NINL: variants seen among roughly 807,000 people sequenced by gnomAD.
NINL encodes ninein like, also known as ninein-like protein.
NINL carries 153 observed loss-of-function variants against 160.3 expected under a neutral mutation model. The ratio of observed to expected loss-of-function variants is 0.95; its 90% CI spans 0.84 to 1.09. The LOEUF (loss-of-function observed/expected upper bound fraction) is 1.09. Ranked by LOEUF, NINL falls within the 50% of genes least tolerant of loss-of-function variation. NINL has a pLI of 0.00. For missense variants in NINL, 1,829 were observed against 1,764.0 expected (o/e 1.04, Z -0.66); for synonymous variants, 800 against 734.8 (o/e 1.09, Z -1.43).
At chr20:25,518,524 A>G (rs1209648422) in intron 2 of NINL, among the ~76,000 whole-genome samples, 1 of 152,108 alleles carries the variant, frequency 6.6e-6, no homozygotes, top group African/African-American at 2.4e-5. Flanking sequence ...TATTTACATG[A>G]TATTATCTTT....
rs368330580 is a variant in NINL, at chr20:25,498,325, C to T, written c.1054G>A (p.Glu352Lys). The change falls in exon 9 of 24, where the codon GAG becomes AAG. Residue 352 changes from glutamate to lysine, a missense_variant. Coordinates refer to ENST00000278886, the MANE Select transcript of NINL (RefSeq NM_025176.6). ...ILQSLDFSVD[E>K]KVNLLELTWA... The stretch of plus-strand genomic sequence containing the variant: ...GTCAGCTCCAGAAGGTTCACCTTCT[C>T]GTCCACGCTGAAGTCCAGGCTCTGG... The T allele has an allele frequency of 5.0e-6, 8 of 1,612,986 alleles. No homozygotes were observed. The Admixed American group carries it at 5.0e-5, about 10-fold the overall frequency.
intron 9 of NINL, among the ~76,000 whole-genome samples, chr20:25,497,048 A>AC (rs1444615938): frequency 6.6e-6 from 1 of 152,176 alleles, no homozygotes; most frequent in Non-Finnish European, 1.5e-5. Flanking sequence ...GTGGTTTCTA[A>AC]CCCAGGAAGA....
At chr20:25,573,366 C>G (rs934839817) in intron 1 of NINL, among the ~76,000 whole-genome samples, 3 of 151,638 alleles carry the variant, frequency 2.0e-5, no homozygotes, top group African/African-American at 7.3e-5. Context: ...ATCCTAAGAA[C>G]AGTCTACCCC....
At chr20:25,558,346 G>A (rs1461864293) in intron 1 of NINL, among the ~76,000 whole-genome samples, 2 of 151,842 alleles carry the variant, frequency 1.3e-5, no homozygotes, top group Non-Finnish European at 2.9e-5. Flanking sequence ...TAGCTGGGAG[G>A]ACACACACCC....
chr20:25,481,169 G>A (rs779243443), intron 14 of NINL, among the ~76,000 whole-genome samples: 8 of 152,258 alleles, frequency 5.3e-5, no homozygotes, highest in Middle Eastern at 3.4e-3. Context: ...AAGTTCTCCC[G>A]GGGTTACAGA....
intron 8 of NINL, among the ~76,000 whole-genome samples, chr20:25,500,189 C>T (rs1380951113): frequency 1.3e-5 from 2 of 152,190 alleles, no homozygotes; most frequent in Non-Finnish European, 2.9e-5. Context: ...TCTGCCCCTG[C>T]ACAGTTGTTG....
chr20:25,552,615 C>T (rs913638236), intron 1 of NINL, among the ~76,000 whole-genome samples: 16 of 152,174 alleles, frequency 1.1e-4, no homozygotes, highest in Admixed American at 7.2e-4. Context: ...CACGGAGGGG[C>T]CACAAGCCTC....
At chr20:25,492,779 G>GA (rs561611302) in intron 10 of NINL, among the ~76,000 whole-genome samples, 49 of 151,536 alleles carry the variant, frequency 3.2e-4, no homozygotes, top group African/African-American at 1.2e-3. Flanking sequence ...TATGTGCATA[G>GA]AAAAAAAAGG....
chr20:25,510,890 G>T (rs375754270), intron 4 of NINL, 150 bp from the exon 5 acceptor site: 7 of 643,284 alleles, frequency 1.1e-5, no homozygotes, highest in African/African-American at 9.2e-5. Flanking sequence ...CCCCCACCTT[G>T]GGGCTGCCCT....
intron 8 of NINL, chr20:25,499,277 C>T: frequency 1.0e-6 from 1 of 963,500 alleles, no homozygotes; most frequent in Non-Finnish European, 1.2e-6. Flanking sequence ...CGTAGAGGGA[C>T]AGAACCGCCA....
intron 1 of NINL, among the ~76,000 whole-genome samples, chr20:25,529,549 A>C (rs1045095878): frequency 6.6e-6 from 1 of 152,208 alleles, no homozygotes; most frequent in Admixed American, 6.5e-5. Context: ...AGACGAGTGA[A>C]CTGTGAACAT....
At chr20:25,466,451 G>A (rs1383266477) in intron 19 of NINL, among the ~76,000 whole-genome samples, 2 of 152,194 alleles carry the variant, frequency 1.3e-5, no homozygotes, top group African/African-American at 4.8e-5. Flanking sequence ...GATGTATGTG[G>A]ATGATCACTC....
chr20:25,454,816 A>C (rs1433088643), intron 23 of NINL, among the ~76,000 whole-genome samples: 1 of 152,158 alleles, frequency 6.6e-6, no homozygotes, highest in African/African-American at 2.4e-5. Flanking sequence ...TCTACAGACC[A>C]GGTGAGTTAT....
rs1357501850 is a variant in NINL at position 25,504,053 on chromosome 20, T to C, written c.760A>G (p.Ser254Gly). The C allele has an allele frequency of 1.2e-6, 2 of 1,608,086 alleles. No homozygotes were observed. The highest frequency in any genetic ancestry group is 2.7e-5 in the African/African-American group (2 of 74,558). The change falls in exon 7 of 24, where the codon AGT becomes GGT. Residue 254 changes from serine (S) to glycine (G), a missense_variant. Physicochemically the swap from Ser to Gly is moderately conservative, Grantham distance 56. Coordinates refer to ENST00000278886, the MANE Select transcript of NINL (RefSeq NM_025176.6). Reference protein sequence around the residue: ...KLDQDGDGKVSLEEFQLGLFS... With the variant: ...KLDQDGDGKVGLEEFQLGLFS... ...AGGCCAAGCTGGAATTCCTCAAGAC[T>C]CACTTTGCCGTCTCCGTCTTGATCC...
At chr20:25,506,091 G>A (rs956421691) in intron 5 of NINL, among the ~76,000 whole-genome samples, 9 of 152,142 alleles carry the variant, frequency 5.9e-5, no homozygotes, top group African/African-American at 2.2e-4. Flanking sequence ...GTGAAACCCC[G>A]TCTCTACTAA....
At chr20:25,458,258 C>A in intron 22 of NINL, 125 bp downstream of exon 22, 1 of 1,282,520 alleles carries the variant, frequency 7.8e-7, no homozygotes, top group Admixed American at 1.7e-5. Context: ...TCCTTACCAT[C>A]TGACATGCTA....
At chr20:25,546,433 C>G (rs6132842) in intron 1 of NINL, among the ~76,000 whole-genome samples, 22,690 of 151,980 alleles carry the variant, frequency 0.15, 1,956 homozygotes, top group East Asian at 0.34. Context: ...TACTCAGAAC[C>G]AAGAAAAATT....
intron 16 of NINL, 37 bp from the exon 17 acceptor site, chr20:25,477,126 C>T (rs1219185506): frequency 2.6e-6 from 4 of 1,519,578 alleles, no homozygotes; most frequent in Non-Finnish European, 3.5e-6. Flanking sequence ...ACAGCCCTGC[C>T]GCCCCCAGCC....
At chr20:25,465,410 T>C (rs2062887589) in intron 19 of NINL, among the ~76,000 whole-genome samples, 1 of 152,066 alleles carries the variant, frequency 6.6e-6, no homozygotes, top group Admixed American at 6.5e-5. Flanking sequence ...CCCCCGCGGC[T>C]CCAGGGACTC....
Sources: allele counts gnomAD v4.1 joint callset (sites outside exome capture counted in the v4.1 genomes callset), GRCh38; gene constraint gnomAD v4.1.1; transcripts MANE v1.5; gene names NCBI Gene and HGNC (gene_info 2026-07-23, HGNC 2026-07-21).